Variants in COL19A1 observed in about 807,000 individuals in gnomAD.
The protein encoded by COL19A1 is collagen alpha-1(XIX) chain.
A neutral mutation model predicts 190.2 loss-of-function variants in COL19A1; 159 were observed. That is an observed-to-expected ratio of 0.84 (90% CI 0.73 to 0.95). The LOEUF (loss-of-function observed/expected upper bound fraction) is 0.95, where lower values mean the gene tolerates loss of function less well. COL19A1 is among the 40% of genes least tolerant of loss of function. COL19A1 has a pLI of 0.00. For missense variants in COL19A1, 1,418 were observed against 1,431.9 expected, an observed-to-expected ratio of 0.99 and a Z score of 0.16; for synonymous variants, 509 against 458.9, an observed-to-expected ratio of 1.11 and a Z score of -1.39.
intron 41 of COL19A1, among the ~76,000 whole-genome samples, chr6:70,173,210 A>G (rs1266536148): frequency 6.6e-6 from 1 of 152,236 alleles, no homozygotes; most frequent in Admixed American, 6.5e-5. Context: ...AAGTGAAGGT[A>G]TTGAGTAGGC....
In COL19A1 at chr6:69,919,413, A is replaced by C. The variant is rs577507015; in HGVS notation, c.267-8496A>C. On this transcript the variant is annotated intron_variant, in intron 4 of 50. Coordinates refer to ENST00000620364, the MANE Select transcript of COL19A1 (RefSeq NM_001858.6). Reference sequence around the variant, plus strand: ...TGAAAGCACTTCATAGTTAGGAAGAATGTTGAATGTACAATCTATTTAATA... The same window carrying C: ...TGAAAGCACTTCATAGTTAGGAAGACTGTTGAATGTACAATCTATTTAATA... Among the ~76,000 whole-genome samples, 25 of 152,320 alleles carry C rather than the reference A, an allele frequency of 1.6e-4. 1 individual carries two copies. The South Asian group carries it at 2.7e-3, about 16-fold the overall frequency.
At position 69,983,023 on chromosome 6, in the gene COL19A1, T is replaced by TAAATAA. The variant is rs1562058743; in HGVS notation, c.1026+20156_1026+20157insTAAAAA. 1.7e-3 allele frequency among the ~76,000 whole-genome samples: 238 copies of TAAATAA among 136,504 alleles called. 2 individuals are homozygous for TAAATAA. Among genetic ancestry groups the TAAATAA allele is most frequent in the East Asian group, 3.2e-3 (15 of 4,736 alleles). The allele number at this position is 136,504 out of a possible 152,430, so 89.6% of individuals were successfully genotyped here. A position where few individuals can be genotyped will look rare whatever the true frequency, so the allele number is the denominator to read the frequency against. ...AAATAAATAAATAAATAAATAAATA[T>TAAATAA]AAAATAAAATCAACATGCCAATTTC... is the stretch of plus-strand genomic sequence containing the variant. On this transcript the variant is annotated intron_variant, in intron 11 of 50. Coordinates refer to ENST00000620364, the MANE Select transcript of COL19A1 (RefSeq NM_001858.6).
At chr6:69,904,208 C>T (rs1338659909) in intron 4 of COL19A1, among the ~76,000 whole-genome samples, 1 of 152,184 alleles carries the variant, frequency 6.6e-6, no homozygotes, top group African/African-American at 2.4e-5. Flanking sequence ...AAATGGTCTG[C>T]TCTATACCCA....
intron 17 of COL19A1, among the ~76,000 whole-genome samples, chr6:70,128,835 C>T (rs1343387077): frequency 6.6e-6 from 1 of 152,168 alleles, no homozygotes; most frequent in Non-Finnish European, 1.5e-5. Context: ...TTTCTCATAT[C>T]TTTGTGACAG....
chr6:69,942,314 A>G (rs1362885382), intron 9 of COL19A1, among the ~76,000 whole-genome samples: 1 of 152,168 alleles, frequency 6.6e-6, no homozygotes, highest in Non-Finnish European at 1.5e-5. Context: ...AATCTGTACT[A>G]ATCAAATTGG....
intron 46 of COL19A1, 132 bp downstream of exon 46, chr6:70,185,047 A>G (rs1002424863): frequency 2.6e-6 from 2 of 757,040 alleles, no homozygotes; most frequent in Non-Finnish European, 4.1e-6. Context: ...TAGGCGATCA[A>G]AGATCTCTAC....
In COL19A1 at chr6:69,916,561, A is replaced by G. The variant is rs144620794; in HGVS notation, c.267-11348A>G. On this transcript the variant is annotated intron_variant, in intron 4 of 50. Transcript: ENST00000620364. ...TGCTCAAAATATCATTAGAGGAAGG[A>G]ACTATAATAATTTACCTTTCAGGGC... Among the ~76,000 whole-genome samples the G allele has an allele frequency of 1.1e-3, 161 of 152,316 alleles. 1 individual carries two copies. Among genetic ancestry groups the G allele is most frequent in the African/African-American group, 3.8e-3 (159 of 41,572 alleles).
chr6:69,967,022 T>C (rs762441923), intron 11 of COL19A1, among the ~76,000 whole-genome samples: 102 of 152,342 alleles, frequency 6.7e-4, no homozygotes, highest in Non-Finnish European at 1.3e-3. Context: ...AAAATGATGA[T>C]TATTTTATGT....
Position 70,018,890 on chromosome 6 carries a change from G to A in COL19A1, c.1027-4737G>A, listed in dbSNP as rs144810096. Among the ~76,000 whole-genome samples, 602 of 152,230 alleles carry A rather than the reference G, an allele frequency of 4.0e-3. 4 individuals are homozygous for A. The highest frequency in any genetic ancestry group is 0.014 in the African/African-American group (571 of 41,530). On this transcript the variant is annotated intron_variant, in intron 11 of 50. Transcript: ENST00000620364. Reference sequence around the variant, plus strand: ...ACCCTTTGCTGGAGAATTATTTCTAGAAGCATTAACTACCCCCATTTTTCC... The same window carrying A: ...ACCCTTTGCTGGAGAATTATTTCTAAAAGCATTAACTACCCCCATTTTTCC...
At chr6:70,197,178 T>G (rs1235090524) in intron 48 of COL19A1, among the ~76,000 whole-genome samples, 1 of 151,920 alleles carries the variant, frequency 6.6e-6, no homozygotes, top group Non-Finnish European at 1.5e-5. Context: ...CCCAGCACTT[T>G]GAGAGGCTGA....
At chr6:70,193,727 T>G (rs953526863) in intron 48 of COL19A1, among the ~76,000 whole-genome samples, 1 of 152,244 alleles carries the variant, frequency 6.6e-6, no homozygotes, top group African/African-American at 2.4e-5. Flanking sequence ...AGCAAAACTG[T>G]CTTCTCCCAA....
At chr6:69,914,052 C>G (rs1255139211) in intron 4 of COL19A1, among the ~76,000 whole-genome samples, 2 of 151,934 alleles carry the variant, frequency 1.3e-5, no homozygotes, top group African/African-American at 4.8e-5. Context: ...CTAATTTATC[C>G]TTGGTTTTTG....
chr6:70,024,400 C>T (rs977714084), intron 12 of COL19A1, among the ~76,000 whole-genome samples: 2 of 152,108 alleles, frequency 1.3e-5, no homozygotes, highest in Non-Finnish European at 2.9e-5. Context: ...TTCTCACTTA[C>T]ATAAATATGT....
chr6:70,190,302 T>C lies in COL19A1; in HGVS notation c.3028-13T>C. 5 of 1,588,512 alleles carry C rather than the reference T, an allele frequency of 3.1e-6. No individual in the cohort carries two copies. Among genetic ancestry groups the C allele is most frequent in the Non-Finnish European group, 4.3e-6 (5 of 1,160,022 alleles). On this transcript the variant is annotated splice_polypyrimidine_tract_variant and intron_variant, in intron 47 of 50. Coordinates refer to ENST00000620364, the MANE Select transcript of COL19A1 (RefSeq NM_001858.6). The stretch of plus-strand genomic sequence containing the variant: ...ATGCTCTATTTTAACAACCTTTTTT[T>C]TTCCTTCTTCAGGCTGATGCAGTTT...
At chr6:70,109,609 G>A in intron 16 of COL19A1, among the ~76,000 whole-genome samples, 1 of 150,792 alleles carries the variant, frequency 6.6e-6, no homozygotes, top group Non-Finnish European at 1.5e-5. Context: ...ATTTTTTTAT[G>A]TGATGAAATT....
chr6:70,121,013 GTCTTA>G (rs1784854082), intron 16 of COL19A1, among the ~76,000 whole-genome samples: 1 of 152,006 alleles, frequency 6.6e-6, no homozygotes. Flanking sequence ...TTCCTTCTGT[GTCTTA>G]TCTTATAAGG....
At chr6:69,959,575 T>A (rs940186678) in intron 9 of COL19A1, among the ~76,000 whole-genome samples, 2 of 152,192 alleles carry the variant, frequency 1.3e-5, no homozygotes, top group African/African-American at 4.8e-5. Context: ...ATTGAGGCAG[T>A]ATTATCTGCC....
intron 11 of COL19A1, among the ~76,000 whole-genome samples, chr6:70,019,714 G>A (rs1428634913): frequency 6.6e-6 from 1 of 152,060 alleles, no homozygotes; most frequent in African/African-American, 2.4e-5. Flanking sequence ...CACCACAGAT[G>A]TATTGTTGGT....
intron 16 of COL19A1, among the ~76,000 whole-genome samples, chr6:70,119,082 G>A (rs1784740626): frequency 6.6e-6 from 1 of 152,056 alleles, no homozygotes; most frequent in African/African-American, 2.4e-5. Flanking sequence ...TTTATTCTGT[G>A]CAAACCCTAC....
Sources: gnomAD v4.1 joint callset for allele counts (sites outside exome capture counted in the v4.1 genomes callset) on GRCh38, gnomAD v4.1.1 for gene constraint, MANE v1.5 for transcripts, NCBI Gene and HGNC (gene_info 2026-07-23, HGNC 2026-07-21) for gene names.